ATRNL1: variants seen among roughly 807,000 people sequenced by gnomAD.
The protein encoded by ATRNL1 is attractin like 1.
Under a neutral mutation model 182.7 loss-of-function variants are expected in ATRNL1, and 95 were observed. That is an observed-to-expected ratio of 0.52 (90% confidence interval 0.44 to 0.62). The LOEUF (loss-of-function observed/expected upper bound fraction) is 0.62, where lower values mean the gene tolerates loss of function less well. Among genes scored for constraint, ATRNL1 ranks in the 20% least tolerant of loss-of-function variants. The probability of loss-of-function intolerance (pLI) is 0.00; values close to 1 mark genes in which losing one functional copy is unlikely to be tolerated. For synonymous variants in ATRNL1, 576 were observed against 568.3 expected (o/e 1.01, Z -0.19); for missense variants, 1,471 against 1,679.5 (o/e 0.88, Z 2.17).
chr10:115,735,592 G>A (rs1450675771), intron 27 of ATRNL1, among the ~76,000 whole-genome samples: 1 of 152,106 alleles, frequency 6.6e-6, no homozygotes, highest in Admixed American at 6.6e-5. Context: ...TAACTTGCCA[G>A]CATCACTACT....
At chr10:115,379,694 C>G (rs1360795439) in intron 19 of ATRNL1, among the ~76,000 whole-genome samples, 1 of 152,164 alleles carries the variant, frequency 6.6e-6, no homozygotes, top group African/African-American at 2.4e-5. Context: ...ATGACAGTTT[C>G]CTTTATTCCC....
chr10:115,537,513 A>C (rs1328012), intron 25 of ATRNL1, among the ~76,000 whole-genome samples: 1 of 151,936 alleles, frequency 6.6e-6, no homozygotes, highest in African/African-American at 2.4e-5. Context: ...TCAATATATT[A>C]TATGTAAATT....
rs112703512 is a variant in ATRNL1 at position 115,544,851 on chromosome 10, C to T, written c.3717-4607C>T. 6.3e-3 allele frequency among the ~76,000 whole-genome samples: 964 copies of T among 152,170 alleles called. 5 individuals carry two copies. The highest frequency in any genetic ancestry group is 0.022 in the African/African-American group (918 of 41,502). On this transcript the variant is annotated intron_variant, in intron 25 of 28. Transcript: ENST00000355044. ...AAGACGGAGACTCTCTAGTAGTCAC[C>T]AAAGGAAGAATATAACTTTTTAACT...
At chr10:115,854,075 T>C (rs1951120173) in intron 28 of ATRNL1, among the ~76,000 whole-genome samples, 1 of 152,170 alleles carries the variant, frequency 6.6e-6, no homozygotes, top group African/African-American at 2.4e-5. Context: ...CTCATAGAGG[T>C]TACAGCCTAT....
At chr10:115,209,798 A>T (rs1248750403) in intron 8 of ATRNL1, among the ~76,000 whole-genome samples, 2 of 152,028 alleles carry the variant, frequency 1.3e-5, no homozygotes, top group Non-Finnish European at 2.9e-5. Context: ...GCATATATAC[A>T]TTTCCAAATG....
At chr10:115,492,595 A>G (rs1395944233) in intron 24 of ATRNL1, among the ~76,000 whole-genome samples, 14 of 145,368 alleles carry the variant, frequency 9.6e-5, no homozygotes, top group Non-Finnish European at 2.1e-4. Context: ...TTTATATATT[A>G]TATATATTAT....
At position 115,463,311 on chromosome 10, in the gene ATRNL1, T is replaced by A. The variant is rs1268561450; in HGVS notation, c.3417+1276T>A. On this transcript the variant is annotated intron_variant, in intron 22 of 28. Coordinates refer to ENST00000355044, the MANE Select transcript of ATRNL1 (RefSeq NM_207303.4). ...CTCTTTATTCCCTAGACTTTATGAA[T>A]GACTGTATTCTTGGGGAATACATTT... is the stretch of plus-strand genomic sequence containing the variant. Among the ~76,000 whole-genome samples the A allele has an allele frequency of 2.0e-5, 3 of 152,048 alleles. No individual in the cohort carries two copies. The East Asian group carries it at 5.8e-4, about 29-fold the overall frequency.
rs1383481577 is a variant in ATRNL1 at position 115,223,916 on chromosome 10, T to C, written c.1532+8036T>C. On this transcript the variant is annotated intron_variant, in intron 9 of 28. Transcript: ENST00000355044. ...GTGTGTGTGTGTGTGTGTGTGTGTA[T>C]ATATATATATATATTTTTTTTTTTT... 4.8e-5 allele frequency among the ~76,000 whole-genome samples: 3 copies of C among 62,664 alleles called. No individual in the cohort carries two copies. In the East Asian group the frequency reaches 8.5e-4, roughly 18 times the overall value. The allele number at this position is 62,664 out of a possible 152,430, so 41.1% of individuals were successfully genotyped here. A position where few individuals can be genotyped will look rare whatever the true frequency, so the allele number is the denominator to read the frequency against.
chr10:115,476,132 G>A (rs1554973059), intron 24 of ATRNL1, among the ~76,000 whole-genome samples: 1 of 150,976 alleles, frequency 6.6e-6, no homozygotes, highest in Non-Finnish European at 1.5e-5. Flanking sequence ...TTTTTATTTA[G>A]TCCAAAATAT....
In ATRNL1 at chr10:115,266,897, A is replaced by G; in HGVS notation, c.1873A>G (p.Lys625Glu). 3.1e-6 allele frequency: 5 copies of G among 1,612,420 alleles called. No homozygotes were observed. In the East Asian group the frequency reaches 6.7e-5, roughly 22 times the overall value. ...GGCTTTCAGAGATGAAGAACTTTGT[A>G]AAAATGCTGGTCCAGGGATAAAATG... ...CKAFRDEELC[K>E]NAGPGIKCVW... Residue 625 changes from lysine (K) to glutamate (E), a missense_variant, in exon 12 of 29, where the codon AAA (lysine) becomes GAA (glutamate). Physicochemically the swap from Lys to Glu is moderately conservative, Grantham distance 56. Transcript: ENST00000355044.
intron 28 of ATRNL1, among the ~76,000 whole-genome samples, chr10:115,934,812 G>T (rs1429623187): frequency 6.6e-6 from 1 of 152,110 alleles, no homozygotes; most frequent in African/African-American, 2.4e-5. Flanking sequence ...AAGTCCTAGT[G>T]TAACACCTAA....
chr10:115,397,439 A>G (rs1382574147), intron 20 of ATRNL1, among the ~76,000 whole-genome samples: 1 of 151,926 alleles, frequency 6.6e-6, no homozygotes, highest in Non-Finnish European at 1.5e-5. Context: ...ATATCTGTTA[A>G]TTTCTTTTCT....
At chr10:115,844,276 G>A (rs1219236003) in intron 27 of ATRNL1, among the ~76,000 whole-genome samples, 2 of 152,022 alleles carry the variant, frequency 1.3e-5, no homozygotes, top group Non-Finnish European at 2.9e-5. Context: ...TTCTAGTGAT[G>A]GGTCTCAGTG....
chr10:115,469,316 C>T lies in ATRNL1; in HGVS notation c.3641C>T (p.Pro1214Leu). ...GTGTACGTCAGCAACTTTTCCTGGC[C>T]TATTAAAATACAGGTAAGTGTTAAG... ...FYVYVSNFSW[P>L]IKIQIAFSQH... Residue 1214 changes from proline (P) to leucine (L), a missense_variant, in exon 24 of 29, where the codon CCT becomes CTT. Around this residue, in one of 3 missense-constraint regions of ATRNL1, gnomAD observed 437 missense variants for 506.0 expected, o/e 0.86. Transcript: ENST00000355044. 6.6e-7 allele frequency: 1 copy of T among 1,523,340 alleles called. No individual in the cohort carries two copies. Among genetic ancestry groups the T allele is most frequent in the Admixed American group, 2.4e-5 (1 of 42,382 alleles). 94.4% of individuals were successfully genotyped at this position (1,523,340 alleles called of 1,614,324 possible). A position where few individuals can be genotyped will look rare whatever the true frequency, so the allele number is the denominator to read the frequency against.
chr10:115,145,224 G>A (rs1306165021), intron 5 of ATRNL1, among the ~76,000 whole-genome samples: 1 of 152,264 alleles, frequency 6.6e-6, no homozygotes, highest in South Asian at 2.1e-4. Flanking sequence ...AAGGAGATGG[G>A]TTGGGGTAGG....
chr10:115,592,925 A>ATCTGTCTG (rs1289057650), intron 26 of ATRNL1, among the ~76,000 whole-genome samples: 1 of 118,210 alleles, frequency 8.5e-6, no homozygotes, highest in Non-Finnish European at 1.9e-5. Context: ...TTATCTAACT[A>ATCTGTCTG]TCTGTCTGTC....
intron 15 of ATRNL1, among the ~76,000 whole-genome samples, chr10:115,297,651 A>T (rs1389833763): frequency 5.4e-5 from 3 of 55,492 alleles, no homozygotes; most frequent in East Asian, 2.2e-3. Context: ...ACTCCGTCTT[A>T]AAAAAAAAAA....
In ATRNL1 at chr10:115,188,052, G is replaced by A. The variant is rs1272024164; in HGVS notation, c.1348+16760G>A. Among the ~76,000 whole-genome samples the A allele has an allele frequency of 2.7e-5, 4 of 147,768 alleles. 1 individual carries two copies. The highest frequency in any genetic ancestry group is 4.5e-5 in the Non-Finnish European group (3 of 66,732). On this transcript the variant is annotated intron_variant, in intron 8 of 28. Coordinates refer to ENST00000355044, the MANE Select transcript of ATRNL1 (RefSeq NM_207303.4). The stretch of plus-strand genomic sequence containing the variant: ...GTATACAACTGGGAGAGAGGGAGGG[G>A]GAGGGGGAGGGGGAGAGGGAGAAAG...
intron 2 of ATRNL1, among the ~76,000 whole-genome samples, chr10:115,120,745 A>G (rs1358128547): frequency 6.6e-6 from 1 of 152,166 alleles, no homozygotes; most frequent in African/African-American, 2.4e-5. Flanking sequence ...GGAGCATAAA[A>G]GAATTGATAT....
Sources: gnomAD v4.1 joint callset for allele counts (sites outside exome capture counted in the v4.1 genomes callset) on GRCh38, gnomAD v4.1.1 for gene constraint, gnomAD v4.1.1 regional missense constraint, MANE v1.5 for transcripts, NCBI Gene and HGNC (gene_info 2026-07-23, HGNC 2026-07-21) for gene names.